Variants in ERICH1 observed in about 807,000 individuals in gnomAD.
ERICH1 encodes glutamate-rich protein 1.
ERICH1 carries 56 observed loss-of-function variants against 39.6 expected under a neutral mutation model. The ratio of observed to expected loss-of-function variants is 1.41; its 90% CI spans 1.14 to 1.77. The LOEUF is 1.77. Among genes scored for constraint, ERICH1 ranks in the 40% most tolerant of loss-of-function variants. The pLI is 0.00. For synonymous variants in ERICH1, 313 were observed against 223.6 expected, an observed-to-expected ratio of 1.40 and a Z score of -3.57; for missense variants, 826 against 575.4, an observed-to-expected ratio of 1.44 and a Z score of -4.45.
At chr8:711,772 T>C (rs1403775481) in intron 2 of ERICH1, among the ~76,000 whole-genome samples, 2 of 152,158 alleles carry the variant, frequency 1.3e-5, no homozygotes, top group Admixed American at 6.5e-5. Context: ...GCTGGGATTA[T>C]AGGTGTGATC....
Position 630,194 on chromosome 8 carries a change from ACCACCCAGAGCTGACTCACACCCTCCT to A in ERICH1, c.977-14937_977-14911del, listed in dbSNP as rs2117102249. ...CAGAGCTGACTCACACCCTCCCGTG[ACCACCCAGAGCTGACTCACACCCTCCT>A]GTGACCACCCACACAGACAGAGCTG... On this transcript the variant is annotated intron_variant, in intron 3 of 3. Coordinates refer to the ERICH1 transcript ENST00000522706. Among the ~76,000 whole-genome samples, 2 of 98,916 alleles carry A rather than the reference ACCACCCAGAGCTGACTCACACCCTCCT, an allele frequency of 2.0e-5. 1 individual carries two copies. Among genetic ancestry groups the A allele is most frequent in the African/African-American group, 8.9e-5 (2 of 22,582 alleles). 64.9% of individuals were successfully genotyped at this position (98,916 alleles called of 152,430 possible).
At chr8:682,506 G>A (rs1806357339) in intron 3 of ERICH1, among the ~76,000 whole-genome samples, 1 of 152,140 alleles carries the variant, frequency 6.6e-6, no homozygotes, top group Admixed American at 6.5e-5. Context: ...CCACTCCAGA[G>A]ACTCCAGAAT....
intron 3 of ERICH1, among the ~76,000 whole-genome samples, chr8:634,068 TTAAGAG>T (rs1413168013): frequency 6.7e-6 from 1 of 150,180 alleles, no homozygotes; most frequent in African/African-American, 2.4e-5. Context: ...TCAAATGACA[TTAAGAG>T]TAAAACGGCA....
At chr8:705,264 C>T (rs891981164) in intron 2 of ERICH1, among the ~76,000 whole-genome samples, 2 of 152,256 alleles carry the variant, frequency 1.3e-5, no homozygotes, top group African/African-American at 4.8e-5. Context: ...GAGCGCCACT[C>T]GGCCCAGCCC....
chr8:688,194 C>A (rs969681054), intron 3 of ERICH1, among the ~76,000 whole-genome samples: 1 of 150,230 alleles, frequency 6.7e-6, no homozygotes, highest in Admixed American at 6.7e-5. Context: ...CAGGACACGG[C>A]AAGGCCCCTG....
At chr8:615,341 T>C (rs774824572) in intron 3 of ERICH1, 4 of 626,396 alleles carry the variant, frequency 6.4e-6, no homozygotes, top group African/African-American at 1.8e-5. Context: ...ACAATGTTTA[T>C]TGATCCACAG....
Position 668,605 on chromosome 8 carries a change from C to T in ERICH1, c.1251G>A (p.Met417Ile). 1.2e-6 allele frequency: 2 copies of T among 1,614,212 alleles called. No individual in the cohort carries two copies. Among genetic ancestry groups the T allele is most frequent in the Non-Finnish European group, 1.7e-6 (2 of 1,180,038 alleles). ...AAATCGTACGGTACTTACCAGGAGG[C>T]ATCGTGCAATGTTCTGGGAACATTT... is the stretch of plus-strand genomic sequence containing the variant. The part of the protein sequence containing the change: ...ALEMFPEHCT[M>I]PPDHARVISA... The change falls in exon 5 of 6, where the codon ATG becomes ATA. Residue 417 changes from methionine to isoleucine, a missense_variant. Transcript: ENST00000262109.
chr8:619,996 G>A (rs746234490), intron 3 of ERICH1, among the ~76,000 whole-genome samples: 2 of 152,114 alleles, frequency 1.3e-5, no homozygotes, highest in Non-Finnish European at 2.9e-5. Context: ...AAAAGAAAAT[G>A]GAGGAATAAT....
chr8:664,174 GA>G (rs964937492), downstream of ERICH1: 14 of 912,692 alleles, frequency 1.5e-5, no homozygotes, highest in African/African-American at 3.6e-5. Context: ...GTAGAGAAGA[GA>G]AAAAAAACTC....
intron 1 of ERICH1, among the ~76,000 whole-genome samples, chr8:723,172 C>G (rs986604370): frequency 2.0e-5 from 3 of 152,196 alleles, no homozygotes; most frequent in African/African-American, 4.8e-5. Context: ...GACGCTGGCT[C>G]CCCTCTGCCT....
chr8:672,871 C>CA (rs1803744779), intron 4 of ERICH1, among the ~76,000 whole-genome samples: 1 of 152,270 alleles, frequency 6.6e-6, no homozygotes, highest in Non-Finnish European at 1.5e-5. Flanking sequence ...CTTCACCTCT[C>CA]AGTCTGCTTA....
intron 3 of ERICH1, chr8:690,977 G>A (rs1415303033): frequency 1.3e-5 from 2 of 152,286 alleles, no homozygotes; most frequent in Non-Finnish European, 2.9e-5. Flanking sequence ...GACCTTGGAG[G>A]GTCAGAGAGA....
At chr8:727,381 G>T (rs1209975695) in intron 1 of ERICH1, among the ~76,000 whole-genome samples, 1 of 152,220 alleles carries the variant, frequency 6.6e-6, no homozygotes, top group Non-Finnish European at 1.5e-5. Flanking sequence ...TGTGAAGTTG[G>T]GGCAATCCAC....
At chr8:694,878 C>T (rs1252886826) in intron 2 of ERICH1, among the ~76,000 whole-genome samples, 2 of 152,134 alleles carry the variant, frequency 1.3e-5, no homozygotes, top group African/African-American at 2.4e-5. Flanking sequence ...TCATCTCCTC[C>T]GCCGGACGCA....
chr8:694,770 C>A (rs773931845), intron 2 of ERICH1, among the ~76,000 whole-genome samples: 7 of 152,200 alleles, frequency 4.6e-5, no homozygotes, highest in Admixed American at 1.3e-4. Flanking sequence ...AGGACACTTA[C>A]GCCTTGCACA....
chr8:661,931 G>A (rs770416096), downstream of ERICH1, among the ~76,000 whole-genome samples: 10 of 151,994 alleles, frequency 6.6e-5, no homozygotes, highest in African/African-American at 9.6e-5. Flanking sequence ...ACCACCCCCC[G>A]CAGTGGCAGG....
At chr8:726,415 C>T (rs556698629) in intron 1 of ERICH1, among the ~76,000 whole-genome samples, 113 of 152,128 alleles carry the variant, frequency 7.4e-4, no homozygotes, top group African/African-American at 2.7e-3. Flanking sequence ...CACACATGTA[C>T]ACCCATGCCA....
At chr8:687,894 G>A (rs1807845431) in intron 3 of ERICH1, among the ~76,000 whole-genome samples, 1 of 152,104 alleles carries the variant, frequency 6.6e-6, no homozygotes, top group African/African-American at 2.4e-5. Context: ...AGGCCTCCGA[G>A]GCTTCCAGCC....
chr8:640,173 GA>G (rs574702135), intron 3 of ERICH1, among the ~76,000 whole-genome samples: 1 of 152,254 alleles, frequency 6.6e-6, no homozygotes, highest in South Asian at 2.1e-4. Context: ...AAACTGAGTG[GA>G]ATGCCGCCTA....
Sources: gnomAD v4.1 joint callset for allele counts (sites outside exome capture counted in the v4.1 genomes callset) on GRCh38, gnomAD v4.1.1 for gene constraint, MANE v1.5 for transcripts, NCBI Gene and HGNC (gene_info 2026-07-23, HGNC 2026-07-21) for gene names.